Variants in KIAA1217 observed in about 807,000 individuals in gnomAD.
KIAA1217 encodes the protein KIAA1217.
Under a neutral mutation model 163.9 loss-of-function variants are expected in KIAA1217, and 88 were observed. The ratio of observed to expected loss-of-function variants is 0.54; its 90% CI spans 0.45 to 0.64. The LOEUF is 0.64. Ranked by LOEUF, KIAA1217 falls within the 30% of genes least tolerant of loss-of-function variation. The pLI, the probability that KIAA1217 is intolerant of heterozygous loss-of-function variation, is 0.00. For synonymous variants in KIAA1217, 903 were observed against 923.1 expected (o/e 0.98, Z 0.39); for missense variants, 2,372 against 2,475.0 (o/e 0.96, Z 0.88).
At chr10:24,366,373 A>G (rs1245096765) in intron 2 of KIAA1217, among the ~76,000 whole-genome samples, 1 of 152,162 alleles carries the variant, frequency 6.6e-6, no homozygotes, top group Non-Finnish European at 1.5e-5. Context: ...TTAACTCGGG[A>G]AGCAGAGGGT....
At chr10:24,110,358 A>C (rs528663899) in intron 2 of KIAA1217, among the ~76,000 whole-genome samples, 4 of 152,158 alleles carry the variant, frequency 2.6e-5, no homozygotes, top group African/African-American at 7.2e-5. Flanking sequence ...ATAGTAAAAA[A>C]ATGCAGATTC....
intron 5 of KIAA1217, among the ~76,000 whole-genome samples, chr10:24,447,421 G>A (rs1271342353): frequency 6.6e-6 from 1 of 151,992 alleles, no homozygotes; most frequent in Non-Finnish European, 1.5e-5. Context: ...GGTGTGTGAT[G>A]TTCCCCACCC....
chr10:24,388,377 T>A (rs969193591), intron 3 of KIAA1217, among the ~76,000 whole-genome samples: 6 of 152,158 alleles, frequency 3.9e-5, no homozygotes, highest in Non-Finnish European at 8.8e-5. Context: ...TGAAACTGGA[T>A]CCCTTCCTTA....
intron 2 of KIAA1217, among the ~76,000 whole-genome samples, chr10:24,121,144 G>A (rs1402275809): frequency 6.6e-6 from 1 of 152,174 alleles, no homozygotes; most frequent in African/African-American, 2.4e-5. Flanking sequence ...AAGGCTGTGG[G>A]TTGTCCAGGC....
intron 2 of KIAA1217, chr10:24,239,362 C>G (rs1448732412): frequency 3.1e-6 from 3 of 953,202 alleles, no homozygotes; most frequent in African/African-American, 1.8e-5. Flanking sequence ...TTTTTTTCTT[C>G]CAAGTTTTTG....
chr10:23,732,477 CTG>C (rs1340141546), intron 1 of KIAA1217, among the ~76,000 whole-genome samples: 1 of 152,058 alleles, frequency 6.6e-6, no homozygotes, highest in Non-Finnish European at 1.5e-5. Context: ...TTTAAGTAAT[CTG>C]GTGATGATTT....
intron 2 of KIAA1217, among the ~76,000 whole-genome samples, chr10:24,056,020 A>G (rs192912868): frequency 1.7e-3 from 252 of 152,232 alleles, no homozygotes; most frequent in African/African-American, 5.7e-3. Context: ...GAAAGTAAAG[A>G]AATTCCTCTG....
chr10:24,128,604 G>T (rs1445275636), intron 2 of KIAA1217, among the ~76,000 whole-genome samples: 1 of 152,102 alleles, frequency 6.6e-6, no homozygotes, highest in African/African-American at 2.4e-5. Flanking sequence ...GAAGTGAAAG[G>T]GGCTTCCGGG....
At chr10:24,387,725 T>C (rs1286579565) in intron 3 of KIAA1217, among the ~76,000 whole-genome samples, 1 of 152,098 alleles carries the variant, frequency 6.6e-6, no homozygotes, top group Non-Finnish European at 1.5e-5. Context: ...ACAAAATCAA[T>C]GTGCAAAAAT....
intron 1 of KIAA1217, among the ~76,000 whole-genome samples, chr10:23,760,393 C>A (rs550471152): frequency 2.6e-5 from 4 of 152,250 alleles, no homozygotes; most frequent in African/African-American, 9.6e-5. Flanking sequence ...CTTAACGGGA[C>A]TAATAGTTGA....
At chr10:24,465,180 C>CAA (rs869149082) in intron 5 of KIAA1217, among the ~76,000 whole-genome samples, 2 of 114,164 alleles carry the variant, frequency 1.8e-5, no homozygotes. Flanking sequence ...TGAGAAATAA[C>CAA]AAACCCTTGC....
chr10:24,483,661 A>G (rs2064987336), intron 6 of KIAA1217, among the ~76,000 whole-genome samples: 1 of 152,154 alleles, frequency 6.6e-6, no homozygotes, highest in African/African-American at 2.4e-5. Context: ...GGTCCACTCA[A>G]GAGACCATCT....
intron 1 of KIAA1217, among the ~76,000 whole-genome samples, chr10:23,890,144 C>T (rs546305254): frequency 2.1e-3 from 320 of 151,492 alleles, no homozygotes; most frequent in Middle Eastern, 6.8e-3. Flanking sequence ...TTTCTATTTC[C>T]GTAATTAGTC....
intron 1 of KIAA1217, among the ~76,000 whole-genome samples, chr10:23,712,437 A>G (rs762919807): frequency 2.0e-5 from 3 of 151,906 alleles, no homozygotes; most frequent in Non-Finnish European, 4.4e-5. Context: ...ATCTTGGCAA[A>G]CTCTGAGTTA....
intron 1 of KIAA1217, among the ~76,000 whole-genome samples, chr10:23,930,325 A>G (rs1243761325): frequency 6.6e-6 from 1 of 152,152 alleles, no homozygotes; most frequent in Non-Finnish European, 1.5e-5. Context: ...ATATACAGAA[A>G]AATGTCAACC....
At position 24,545,809 on chromosome 10, in the gene KIAA1217, C is replaced by T. The variant is rs1333008858; in HGVS notation, c.5335-18C>T. The T allele has an allele frequency of 4.5e-6, 7 of 1,563,424 alleles. No individual in the cohort carries two copies. Among genetic ancestry groups the T allele is most frequent in the South Asian group, 3.7e-5 (3 of 81,140 alleles). On this transcript the variant is annotated intron_variant, in intron 20 of 20. Coordinates refer to ENST00000376454, the MANE Select transcript of KIAA1217 (RefSeq NM_019590.5). Reference sequence around the variant, plus strand: ...ACCGCCTTTCTGACAAAATGTCTCCCGCCATCTTTATTTGCAGGCTAATGG... The same window carrying T: ...ACCGCCTTTCTGACAAAATGTCTCCTGCCATCTTTATTTGCAGGCTAATGG...
chr10:24,460,760 G>A (rs766386642), intron 5 of KIAA1217, among the ~76,000 whole-genome samples: 1 of 152,096 alleles, frequency 6.6e-6, no homozygotes, highest in Non-Finnish European at 1.5e-5. Context: ...AGATCAATAT[G>A]AACACAGCAG....
chr10:24,145,717 G>A (rs369998693), intron 2 of KIAA1217, among the ~76,000 whole-genome samples: 2 of 152,340 alleles, frequency 1.3e-5, no homozygotes, highest in African/African-American at 4.8e-5. Context: ...GTGGCCGAAG[G>A]CCCGAGAGCC....
chr10:24,024,701 A>C (rs1397049449), intron 2 of KIAA1217, among the ~76,000 whole-genome samples: 1 of 151,714 alleles, frequency 6.6e-6, no homozygotes, highest in Non-Finnish European at 1.5e-5. Context: ...TGAGAATTTC[A>C]TTTGTTCCAC....
Sources: gnomAD v4.1 joint callset for allele counts (sites outside exome capture counted in the v4.1 genomes callset) on GRCh38, gnomAD v4.1.1 for gene constraint, MANE v1.5 for transcripts, NCBI Gene and HGNC (gene_info 2026-07-23, HGNC 2026-07-21) for gene names.